LAMA4: variants seen among roughly 807,000 people sequenced by gnomAD.
LAMA4 encodes laminin subunit alpha-4.
Under a neutral mutation model 207.1 loss-of-function variants are expected in LAMA4, and 127 were observed. That is an observed-to-expected ratio of 0.61 (90% CI 0.53 to 0.71). LAMA4 has a LOEUF of 0.71. Ranked by LOEUF, LAMA4 falls within the 30% of genes least tolerant of loss-of-function variation. The pLI is 0.00. For missense variants in LAMA4, 2,093 were observed against 2,246.5 expected, an observed-to-expected ratio of 0.93 and a Z score of 1.38; for synonymous variants, 761 against 816.0, an observed-to-expected ratio of 0.93 and a Z score of 1.15.
At chr6:112,155,871 C>T in intron 14 of LAMA4, 165 bp from the exon 15 acceptor site, 1 of 744,102 alleles carries the variant, frequency 1.3e-6, no homozygotes, top group South Asian at 1.6e-5. Context: ...ACCTCCTCTG[C>T]ATTCTTCTGT....
At chr6:112,232,407 T>C (rs1411766039) in intron 2 of LAMA4, among the ~76,000 whole-genome samples, 1 of 152,232 alleles carries the variant, frequency 6.6e-6, no homozygotes, top group African/African-American at 2.4e-5. Context: ...TTTCATGTTA[T>C]TTAAGGGTAT....
At chr6:112,149,130 T>G (rs1780215171) in intron 17 of LAMA4, among the ~76,000 whole-genome samples, 1 of 143,696 alleles carries the variant, frequency 7.0e-6, no homozygotes, top group African/African-American at 2.6e-5. Flanking sequence ...AAAATAATAC[T>G]TAATTTAATA....
intron 17 of LAMA4, among the ~76,000 whole-genome samples, chr6:112,148,693 C>G (rs1554335133): frequency 7.8e-6 from 1 of 128,682 alleles, no homozygotes; most frequent in Non-Finnish European, 1.7e-5. Flanking sequence ...AGAAGTTAAT[C>G]AATAAAGAAA....
intron 2 of LAMA4, among the ~76,000 whole-genome samples, chr6:112,244,594 C>T (rs1771258419): frequency 6.6e-6 from 1 of 152,170 alleles, no homozygotes; most frequent in African/African-American, 2.4e-5. Context: ...CTGTGTGAAG[C>T]CAAGAACCCA....
chr6:112,122,048 C>G lies in LAMA4; in HGVS notation c.4441G>C (p.Glu1481Gln). The G allele has an allele frequency of 6.2e-7, 1 of 1,613,976 alleles. No individual in the cohort carries two copies. Among genetic ancestry groups the G allele is most frequent in the Non-Finnish European group, 8.5e-7 (1 of 1,179,942 alleles). Residue 1481 changes from glutamate to glutamine, a missense_variant, in exon 32 of 39, where the codon GAG (glutamate) becomes CAG (glutamine). Around this residue, in one of 3 missense-constraint regions of LAMA4, gnomAD observed 383 missense variants for 437.8 expected, o/e 0.87. Coordinates refer to ENST00000230538, the MANE Select transcript of LAMA4 (RefSeq NM_001105206.3). Reference sequence around the variant, plus strand: ...AAATCTCCTTTTAAGTGTTCAAACTCTTGGCGGCTGTTGGCTGTTCCTCCA... The same window carrying G: ...AAATCTCCTTTTAAGTGTTCAAACTGTTGGCGGCTGTTGGCTGTTCCTCCA... ...QYGGTANSRQ[E>Q]FEHLKGDFGA...
chr6:112,224,072 C>T (rs188478045), intron 2 of LAMA4, among the ~76,000 whole-genome samples: 4 of 152,302 alleles, frequency 2.6e-5, no homozygotes, highest in Non-Finnish European at 5.9e-5. Flanking sequence ...CTCTGGCCAT[C>T]ACACCTGGCC....
intron 31 of LAMA4, among the ~76,000 whole-genome samples, chr6:112,122,731 A>G (rs1045220953): frequency 7.9e-5 from 12 of 152,348 alleles, no homozygotes; most frequent in African/African-American, 2.9e-4. Flanking sequence ...AACAATTTTT[A>G]AACACATTGT....
chr6:112,142,787 C>A (rs1253636382), intron 19 of LAMA4, among the ~76,000 whole-genome samples: 1 of 152,184 alleles, frequency 6.6e-6, no homozygotes, highest in African/African-American at 2.4e-5. Context: ...TCTGGACTAG[C>A]TTTGTAGTCT....
At chr6:112,155,095 A>C in intron 15 of LAMA4, 148 bp from the exon 16 acceptor site, 1 of 705,320 alleles carries the variant, frequency 1.4e-6, no homozygotes, top group Non-Finnish European at 2.6e-6. Context: ...TTAAGGTCAA[A>C]TATGTGACCA....
At chr6:112,150,986 A>G (rs1780368229) in intron 16 of LAMA4, among the ~76,000 whole-genome samples, 1 of 152,200 alleles carries the variant, frequency 6.6e-6, no homozygotes, top group South Asian at 2.1e-4. Context: ...CTGGTTATAA[A>G]AATAATCCTT....
chr6:112,154,858 T>C lies in LAMA4; in HGVS notation c.2049A>G (p.Ala683=). The C allele has an allele frequency of 1.9e-6, 3 of 1,598,830 alleles. No homozygotes were observed. Among genetic ancestry groups the C allele is most frequent in the Non-Finnish European group, 1.7e-6 (2 of 1,166,128 alleles). The change falls in exon 16 of 39, where the codon GCA becomes GCG. Residue 683 remains alanine, a synonymous_variant. Coordinates refer to ENST00000230538, the MANE Select transcript of LAMA4 (RefSeq NM_001105206.3). The part of the protein sequence containing the change: ...LNQARELQAK[A]ESSSDEAVAD... ...GAAAGTGAAGATATTTACTAGACTC[T>C]GCCTTTGCTTGCAGTTCTCTGGCTT...
chr6:112,207,518 A>AAACCAACCAACGAACCAACCAACC (rs1554354793), intron 3 of LAMA4, among the ~76,000 whole-genome samples: 239 of 152,052 alleles, frequency 1.6e-3, no homozygotes, highest in African/African-American at 5.6e-3. Context: ...ATGAAATGAG[A>AAACCAACCAACGAACCAACCAACC]AACCAACCAA....
chr6:112,175,052 GT>G (rs1562694884), intron 11 of LAMA4, among the ~76,000 whole-genome samples: 1 of 152,066 alleles, frequency 6.6e-6, no homozygotes, highest in African/African-American at 2.4e-5. Context: ...TGTTTTATAC[GT>G]TTTTCACCAA....
intron 5 of LAMA4, among the ~76,000 whole-genome samples, chr6:112,199,228 C>G (rs1406949126): frequency 2.6e-5 from 4 of 152,174 alleles, no homozygotes; most frequent in Non-Finnish European, 5.9e-5. Flanking sequence ...GAACCCTTCT[C>G]TGCACCCCTG....
intron 6 of LAMA4, among the ~76,000 whole-genome samples, chr6:112,190,259 T>G (rs145976842): frequency 3.2e-4 from 49 of 152,370 alleles, no homozygotes; most frequent in African/African-American, 1.1e-3. Context: ...GCCAACATTA[T>G]TTCTGCTGTC....
intron 7 of LAMA4, 114 bp downstream of exon 7, chr6:112,188,996 C>T: frequency 1.3e-6 from 1 of 776,198 alleles, no homozygotes; most frequent in Non-Finnish European, 2.2e-6. Flanking sequence ...GGGTTAAGTC[C>T]AGGGGTGGGA....
At chr6:112,130,429 C>T (rs1778971021) in intron 29 of LAMA4, among the ~76,000 whole-genome samples, 1 of 151,784 alleles carries the variant, frequency 6.6e-6, no homozygotes. Context: ...TTGATCCTTA[C>T]TGGAAGTGGG....
chr6:112,132,760 G>A lies in LAMA4; in HGVS notation c.3827C>T (p.Ala1276Val), dbSNP rs782553718. The stretch of plus-strand genomic sequence containing the variant: ...AGAAAAACAAACACTTACCCCTGAA[G>A]CATAATAGAATAGTAACCCATTTGG... ...LQPNGLLFYY[A>V]SGSDVFSISL... The change falls in exon 28 of 39, where the codon GCT becomes GTT. Residue 1276 changes from alanine to valine, a missense_variant. Transcript: ENST00000230538. The A allele has an allele frequency of 5.6e-6, 9 of 1,612,606 alleles. No individual in the cohort carries two copies. The East Asian group carries it at 2.0e-4, about 36-fold the overall frequency.
At chr6:112,124,588 A>G (rs1447532591) in intron 31 of LAMA4, among the ~76,000 whole-genome samples, 1 of 152,096 alleles carries the variant, frequency 6.6e-6, no homozygotes, top group Non-Finnish European at 1.5e-5. Context: ...GAACTCCACT[A>G]GACTTTGGCT....
Sources: allele counts gnomAD v4.1 joint callset (sites outside exome capture counted in the v4.1 genomes callset), GRCh38; gene constraint gnomAD v4.1.1; regional missense constraint gnomAD v4.1.1; transcripts MANE v1.5; gene names NCBI Gene and HGNC (gene_info 2026-07-23, HGNC 2026-07-21).